The following U2SURP variants were observed in gnomAD, a reference collection of about 807,000 sequenced individuals.
U2SURP encodes the protein U2 snRNP associated SURP domain containing.
A neutral mutation model predicts 144.9 loss-of-function variants in U2SURP; 9 were observed. The ratio of observed to expected loss-of-function variants is 0.06; its 90% confidence interval spans 0.04 to 0.11. U2SURP has a LOEUF of 0.11. Ranked by LOEUF, U2SURP falls within the 10% of genes least tolerant of loss-of-function variation. The pLI is 1.00. For missense variants in U2SURP, 724 were observed against 1,226.7 expected, an observed-to-expected ratio of 0.59 and a Z score of 6.12; for synonymous variants, 408 against 396.8, an observed-to-expected ratio of 1.03 and a Z score of -0.33.
At position 143,014,192 on chromosome 3, in the gene U2SURP, C is replaced by T. The variant is rs893650662; in HGVS notation, c.223-119C>T. On this transcript the variant is annotated intron_variant, in intron 3 of 27. Coordinates refer to ENST00000473835, the MANE Select transcript of U2SURP (RefSeq NM_001080415.2). ...GTAGAGTAGCCCCAACTTTTCTTTA[C>T]AATGAAATTTAAAAAAAAACGGCAG... 6 of 531,954 alleles carry T rather than the reference C, an allele frequency of 1.1e-5. No individual in the cohort carries two copies. In the African/African-American group the frequency reaches 1.2e-4, roughly 11 times the overall value. The allele number at this position is 531,954 out of a possible 1,614,324, so 33.0% of individuals were successfully genotyped here. A position where few individuals can be genotyped will look rare whatever the true frequency, so the allele number is the denominator to read the frequency against.
At chr3:143,028,984 A>G (rs1933317817) in intron 16 of U2SURP, among the ~76,000 whole-genome samples, 1 of 152,208 alleles carries the variant, frequency 6.6e-6, no homozygotes, top group Non-Finnish European at 1.5e-5. Context: ...TAAAGAAGAA[A>G]AACTATTGTG....
At chr3:143,035,339 C>T (rs1342296281) in intron 19 of U2SURP, among the ~76,000 whole-genome samples, 3 of 152,024 alleles carry the variant, frequency 2.0e-5, no homozygotes, top group Non-Finnish European at 4.4e-5. Context: ...TTTTTTATAA[C>T]CTCTTAAGCT....
chr3:143,030,414 T>A (rs1189738269), intron 16 of U2SURP, among the ~76,000 whole-genome samples: 1 of 152,244 alleles, frequency 6.6e-6, no homozygotes, highest in Non-Finnish European at 1.5e-5. Context: ...GATGACAGCA[T>A]ATCTGTTTAC....
At position 143,055,130 on chromosome 3, in the gene U2SURP, G is replaced by A; in HGVS notation, c.2951+11G>A. On this transcript the variant is annotated intron_variant, in intron 27 of 27. Coordinates refer to ENST00000473835, the MANE Select transcript of U2SURP (RefSeq NM_001080415.2). ...CAAAAAAGCCAAAAGGTAAATGCAAGTCATTTTTGCTAATATTTCAGATAC... is the reference window on the plus strand; with the variant it reads ...CAAAAAAGCCAAAAGGTAAATGCAAATCATTTTTGCTAATATTTCAGATAC... The A allele has an allele frequency of 1.3e-6, 2 of 1,556,874 alleles. No individual in the cohort carries two copies. The highest frequency in any genetic ancestry group is 2.8e-5 in the African/African-American group (2 of 71,950).
chr3:143,011,709 A>G (rs935905636), intron 2 of U2SURP, among the ~76,000 whole-genome samples: 1 of 152,116 alleles, frequency 6.6e-6, no homozygotes. Flanking sequence ...AAAAGTTACT[A>G]CTATTTTACT....
At chr3:143,052,992 A>C (rs1289760680) in intron 25 of U2SURP, among the ~76,000 whole-genome samples, 1 of 134,882 alleles carries the variant, frequency 7.4e-6, no homozygotes, top group Non-Finnish European at 1.5e-5. Context: ...TCATGTAGTC[A>C]GTTTGTATTT....
intron 1 of U2SURP, 143 bp downstream of exon 1, chr3:143,001,816 G>A: frequency 9.1e-7 from 1 of 1,099,880 alleles, no homozygotes; most frequent in Non-Finnish European, 1.3e-6. Context: ...CCGCACCGTT[G>A]TGCGCAGGTT....
intron 24 of U2SURP, among the ~76,000 whole-genome samples, chr3:143,047,557 G>A (rs1272419296): frequency 4.8e-5 from 2 of 41,564 alleles, no homozygotes; most frequent in African/African-American, 2.0e-4. Flanking sequence ...CGGACGGGGC[G>A]GCTGGCTGGG....
chr3:143,027,034 C>T (rs557556728), intron 13 of U2SURP, 115 bp from the exon 14 acceptor site: 10 of 770,170 alleles, frequency 1.3e-5, no homozygotes, highest in East Asian at 2.6e-5. Context: ...GTATTAAATT[C>T]GGTGTTAGTC....
intron 23 of U2SURP, among the ~76,000 whole-genome samples, chr3:143,041,590 G>C (rs193000137): frequency 1.3e-5 from 2 of 151,878 alleles, no homozygotes; most frequent in Admixed American, 1.3e-4. Context: ...TTCTGATTCT[G>C]AATTGACAGC....
At chr3:143,056,278 T>G in intron 27 of U2SURP, 34 bp from the exon 28 acceptor site, 2 of 1,570,780 alleles carry the variant, frequency 1.3e-6, no homozygotes, top group Non-Finnish European at 1.7e-6. Context: ...CATGAGTACT[T>G]TATCAATTGG....
At chr3:143,004,340 T>G (rs192563422) in intron 1 of U2SURP, among the ~76,000 whole-genome samples, 76 of 149,014 alleles carry the variant, frequency 5.1e-4, no homozygotes, top group African/African-American at 1.9e-3. Context: ...TCTACAGGTC[T>G]TCTAGTTGGG....
intron 24 of U2SURP, among the ~76,000 whole-genome samples, chr3:143,045,590 C>G (rs1459291662): frequency 6.6e-6 from 1 of 152,072 alleles, no homozygotes; most frequent in Non-Finnish European, 1.5e-5. Context: ...TTTTACAAAC[C>G]TTATTCTTTC....
Position 143,001,592 on chromosome 3 carries a change from T to G in U2SURP, c.-37T>G. On this transcript the variant is annotated 5_prime_UTR_variant, in exon 1 of 28. Transcript: ENST00000473835. ...GCTCTTTCGGTGCTCGACTCGCCCG[T>G]GCTGCTGCCGCCGCCGAAGGAGGGG... is the stretch of plus-strand genomic sequence containing the variant. The G allele has an allele frequency of 6.2e-7, 1 of 1,612,812 alleles. No homozygotes were observed. The highest frequency in any genetic ancestry group is 8.5e-7 in the Non-Finnish European group (1 of 1,179,540).
At chr3:143,033,244 A>G (rs1933605617) in intron 17 of U2SURP, 27 bp from the exon 18 acceptor site, 1 of 1,353,594 alleles carries the variant, frequency 7.4e-7, no homozygotes, top group Non-Finnish European at 1.0e-6. Context: ...ATATTAACCT[A>G]TTTTGTGTTA....
chr3:143,034,689 G>T, intron 18 of U2SURP, 199 bp from the exon 19 acceptor site: 2 of 477,776 alleles, frequency 4.2e-6, no homozygotes, highest in Non-Finnish European at 3.7e-6. Context: ...TGGGGAGTTT[G>T]TAGGAGAAAA....
intron 24 of U2SURP, 35 bp downstream of exon 24, chr3:143,043,311 T>C (rs551943744): frequency 3.2e-6 from 5 of 1,557,046 alleles, no homozygotes; most frequent in Non-Finnish European, 2.6e-6. Flanking sequence ...TTACACTTTA[T>C]TGGCTTTTCA....
intron 4 of U2SURP, among the ~76,000 whole-genome samples, chr3:143,015,024 A>G (rs1936296930): frequency 6.6e-6 from 1 of 152,082 alleles, no homozygotes; most frequent in Non-Finnish European, 1.5e-5. Flanking sequence ...TGATAAATGC[A>G]TAAATGTAGT....
intron 24 of U2SURP, among the ~76,000 whole-genome samples, chr3:143,049,057 C>G (rs1354164477): frequency 6.7e-6 from 1 of 149,042 alleles, no homozygotes; most frequent in Non-Finnish European, 1.5e-5. Context: ...GAGTTCGAGA[C>G]CAACCTGGCC....
Sources: allele counts gnomAD v4.1 joint callset (sites outside exome capture counted in the v4.1 genomes callset), GRCh38; gene constraint gnomAD v4.1.1; transcripts MANE v1.5; gene names NCBI Gene and HGNC (gene_info 2026-07-23, HGNC 2026-07-21).